The following WDFY2 variants were observed in gnomAD, a reference collection of about 807,000 sequenced individuals.
WDFY2 encodes WD repeat and FYVE domain containing 2.
Under a neutral mutation model 56.4 loss-of-function variants are expected in WDFY2, and 36 were observed. The observed-to-expected ratio is 0.64, with a 90% CI of 0.49 to 0.84. The LOEUF is 0.84. Among genes scored for constraint, WDFY2 ranks in the 40% least tolerant of loss-of-function variants. The pLI, the probability that WDFY2 is intolerant of heterozygous loss-of-function variation, is 0.00. For synonymous variants in WDFY2, 176 were observed against 183.7 expected, an observed-to-expected ratio of 0.96 and a Z score of 0.34; for missense variants, 444 against 512.2, an observed-to-expected ratio of 0.87 and a Z score of 1.29.
chr13:51,592,800 C>T (rs924590602), intron 1 of WDFY2, among the ~76,000 whole-genome samples: 1 of 151,928 alleles, frequency 6.6e-6, no homozygotes, highest in East Asian at 1.9e-4. Flanking sequence ...TCATAATAAT[C>T]GCTCTGGAGT....
At chr13:51,750,182 G>T (rs1313563494) in intron 7 of WDFY2, among the ~76,000 whole-genome samples, 1 of 152,118 alleles carries the variant, frequency 6.6e-6, no homozygotes, top group Non-Finnish European at 1.5e-5. Context: ...AGTCTAGCAG[G>T]TTCAAAATAT....
chr13:51,685,920 A>C (rs1956055523), intron 3 of WDFY2, among the ~76,000 whole-genome samples: 1 of 152,168 alleles, frequency 6.6e-6, no homozygotes, highest in Non-Finnish European at 1.5e-5. Context: ...AATAAAAGCC[A>C]AACCAGTTTC....
Position 51,765,002 on chromosome 13 carries a change from C to T in WDFY2, c.*5233C>T, listed in dbSNP as rs2138828252. On this transcript the variant is annotated 3_prime_UTR_variant, in exon 12 of 12. Transcript: ENST00000298125. ...ACAGGCAGCTGCTGCCCTCCACTTC[C>T]TGCTCTTGCAAGTCACAGATGATTC... 6.6e-6 allele frequency: 1 copy of T among 152,410 alleles called. No individual in the cohort carries two copies. Among genetic ancestry groups the T allele is most frequent in the South Asian group, 2.1e-4 (1 of 4,828 alleles). 9.4% of individuals were successfully genotyped at this position (152,410 alleles called of 1,614,324 possible). A position where few individuals can be genotyped will look rare whatever the true frequency, so the allele number is the denominator to read the frequency against.
chr13:51,675,091 A>G, intron 2 of WDFY2, 79 bp from the exon 3 acceptor site: 1 of 1,309,880 alleles, frequency 7.6e-7, no homozygotes, highest in Non-Finnish European at 1.1e-6. Flanking sequence ...ACAGCCCCAC[A>G]CTTTTAGCTA....
rs559012321 is a variant in WDFY2, at chr13:51,618,257, C to T, written c.137+33433C>T. ...TTTGAGCACTGACTATGTGCCAGTG[C>T]CGTGTTATGACATACCTTGTTAGAA... is the stretch of plus-strand genomic sequence containing the variant. On this transcript the variant is annotated intron_variant, in intron 1 of 11. Coordinates refer to ENST00000298125, the MANE Select transcript of WDFY2 (RefSeq NM_052950.4). Among the ~76,000 whole-genome samples, 3 of 152,302 alleles carry T rather than the reference C, an allele frequency of 2.0e-5. No individual in the cohort carries two copies. The South Asian group carries it at 6.2e-4, about 32-fold the overall frequency.
chr13:51,612,899 A>G (rs1468304066), intron 1 of WDFY2, among the ~76,000 whole-genome samples: 1 of 152,222 alleles, frequency 6.6e-6, no homozygotes, highest in African/African-American at 2.4e-5. Context: ...ACAGTGTTCA[A>G]TGTGAGTAAG....
intron 1 of WDFY2, chr13:51,598,805 T>A (rs1197782949): frequency 1.3e-5 from 2 of 151,988 alleles, no homozygotes; most frequent in Non-Finnish European, 2.9e-5. Flanking sequence ...AACAAAAAAT[T>A]GTCCAATTAG....
Position 51,756,355 on chromosome 13 carries a change from G to A in WDFY2, c.957G>A (p.Lys319=), listed in dbSNP as rs1176388695. ...AGCACCACTGCCGCAAGTGTGGGAA[G>A]GCCGTCTGTGGCAAGTGCAGCTCCA... ...LRQHHCRKCG[K]AVCGKCSSKR... is the part of the protein sequence containing the mutation. The change falls in exon 10 of 12, where the codon AAG becomes AAA. Residue 319 remains lysine (K), a synonymous_variant. Coordinates refer to ENST00000298125, the MANE Select transcript of WDFY2 (RefSeq NM_052950.4). 3.7e-6 allele frequency: 6 copies of A among 1,613,826 alleles called. No individual in the cohort carries two copies. The highest frequency in any genetic ancestry group is 1.7e-4 in the Middle Eastern group (1 of 6,060).
chr13:51,644,841 G>C (rs557667567), intron 1 of WDFY2, among the ~76,000 whole-genome samples: 1 of 152,296 alleles, frequency 6.6e-6, no homozygotes, highest in Non-Finnish European at 1.5e-5. Flanking sequence ...ACAACACCCA[G>C]CTTGAGTCTC....
chr13:51,742,212 T>A (rs540172482), intron 7 of WDFY2, among the ~76,000 whole-genome samples: 1 of 152,202 alleles, frequency 6.6e-6, no homozygotes, highest in African/African-American at 2.4e-5. Context: ...GTGACATTTT[T>A]ATAACTAGCT....
Position 51,742,438 on chromosome 13 carries a change from CA to C in WDFY2, c.725+3274del, listed in dbSNP as rs5803568. ...TGTGCTAGCTCTGTGGGAGGAAGGG[CA>C]AAAAAAAAAAGGTTCCAGATTCCGG... On this transcript the variant is annotated intron_variant, in intron 7 of 11. Transcript: ENST00000298125. Among the ~76,000 whole-genome samples the C allele has an allele frequency of 4.1e-3, 562 of 137,866 alleles. 1 individual carries two copies. The highest frequency in any genetic ancestry group is 0.012 in the African/African-American group (443 of 36,948). 90.4% of individuals were successfully genotyped at this position (137,866 alleles called of 152,430 possible). A position where few individuals can be genotyped will look rare whatever the true frequency, so the allele number is the denominator to read the frequency against.
chr13:51,748,668 A>G (rs1373412158), intron 7 of WDFY2, among the ~76,000 whole-genome samples: 2 of 152,004 alleles, frequency 1.3e-5, no homozygotes, highest in African/African-American at 4.8e-5. Flanking sequence ...AACATAAAGC[A>G]CTGAAAATAA....
chr13:51,586,360 C>T (rs1171749877), intron 1 of WDFY2: 1 of 296,768 alleles, frequency 3.4e-6, no homozygotes, highest in Admixed American at 5.1e-5. Context: ...TAAGCAAATT[C>T]ATGGAATCAA....
At chr13:51,676,978 TAGG>T (rs1334073291) in intron 3 of WDFY2, among the ~76,000 whole-genome samples, 1 of 152,240 alleles carries the variant, frequency 6.6e-6, no homozygotes, top group Non-Finnish European at 1.5e-5. Flanking sequence ...TTACATAACA[TAGG>T]AGTGGTTTGT....
At chr13:51,670,153 A>G (rs1367732368) in intron 2 of WDFY2, among the ~76,000 whole-genome samples, 8 of 152,012 alleles carry the variant, frequency 5.3e-5, no homozygotes, top group Admixed American at 1.3e-4. Flanking sequence ...TTAGTGTCTC[A>G]TTATCCTTCC....
intron 1 of WDFY2, chr13:51,590,515 G>C (rs1954022489): frequency 1.3e-5 from 2 of 152,124 alleles, no homozygotes; most frequent in Non-Finnish European, 2.9e-5. Context: ...AACACTTTGT[G>C]GCATTTAGAA....
intron 2 of WDFY2, among the ~76,000 whole-genome samples, chr13:51,665,300 G>A (rs866496940): frequency 6.6e-6 from 1 of 152,186 alleles, no homozygotes. Flanking sequence ...CATTGCCTGT[G>A]ACAGTATCAA....
Position 51,654,944 on chromosome 13 carries a change from A to G in WDFY2, c.138-5652A>G, listed in dbSNP as rs927368683. ...TTTAGTGAAGAGAGCTCTATTTAAT[A>G]GGGTATTGTAAAGATTAAATATATA... On this transcript the variant is annotated intron_variant, in intron 1 of 11. Transcript: ENST00000298125. Among the ~76,000 whole-genome samples the G allele has an allele frequency of 2.0e-5, 3 of 152,194 alleles. No individual in the cohort carries two copies. The East Asian group carries it at 5.8e-4, about 29-fold the overall frequency.
rs1195493634 is a variant in WDFY2 at position 51,693,063 on chromosome 13, C to T, written c.280-10533C>T. Among the ~76,000 whole-genome samples the T allele has an allele frequency of 7.3e-3, 1,113 of 152,004 alleles. 7 individuals carry two copies. The highest frequency in any genetic ancestry group is 0.012 in the Non-Finnish European group (808 of 67,976). On this transcript the variant is annotated intron_variant, in intron 3 of 11. Transcript: ENST00000298125. ...ATATCCCCTTTATCATTTTTTATTG[C>T]GTCTATTTGATTCTTCTCTCTTTTT...
Sources: allele counts gnomAD v4.1 joint callset (sites outside exome capture counted in the v4.1 genomes callset), GRCh38; gene constraint gnomAD v4.1.1; transcripts MANE v1.5; gene names NCBI Gene and HGNC (gene_info 2026-07-23, HGNC 2026-07-21).